The following PPP1CB variants were observed in gnomAD, a reference collection of about 807,000 sequenced individuals.
PPP1CB encodes the protein serine/threonine-protein phosphatase PP1-beta catalytic subunit.
Under a neutral mutation model 43.7 loss-of-function variants are expected in PPP1CB, and 2 were observed. The ratio of observed to expected loss-of-function variants is 0.05; its 90% CI spans 0.02 to 0.14. The LOEUF is 0.14. Among genes scored for constraint, PPP1CB ranks in the 10% least tolerant of loss-of-function variants. PPP1CB has a pLI of 1.00. For missense variants in PPP1CB, 84 were observed against 398.0 expected, an observed-to-expected ratio of 0.21 and a Z score of 6.71; for synonymous variants, 136 against 135.6, an observed-to-expected ratio of 1.00 and a Z score of -0.02.
chr2:28,781,337 C>T (rs1235756880), intron 3 of PPP1CB, among the ~76,000 whole-genome samples: 1 of 152,030 alleles, frequency 6.6e-6, no homozygotes, highest in Non-Finnish European at 1.5e-5. Context: ...AAAAAGTTAG[C>T]ATTTTGGGAG....
Position 28,758,271 on chromosome 2 carries a change from A to G in PPP1CB, c.52+6095A>G, listed in dbSNP as rs535464447. Among the ~76,000 whole-genome samples the G allele has an allele frequency of 2.6e-5, 4 of 152,274 alleles. No individual in the cohort carries two copies. The South Asian group carries it at 8.3e-4, about 32-fold the overall frequency. ...GCCAGTCTCAGAGTTCTGGGATTAC[A>G]GGCACCCAGCCCCATTTTCAAACAT... is the stretch of plus-strand genomic sequence containing the variant. On this transcript the variant is annotated intron_variant, in intron 1 of 7. Coordinates refer to ENST00000395366, the MANE Select transcript of PPP1CB (RefSeq NM_002709.3).
At chr2:28,771,799 T>C (rs1380113743) in intron 1 of PPP1CB, among the ~76,000 whole-genome samples, 1 of 152,124 alleles carries the variant, frequency 6.6e-6, no homozygotes, top group African/African-American at 2.4e-5. Context: ...GAAATATGTT[T>C]AGAGAAGGCA....
At chr2:28,775,427 A>G (rs1667016438) in intron 1 of PPP1CB, among the ~76,000 whole-genome samples, 2 of 152,034 alleles carry the variant, frequency 1.3e-5, no homozygotes, top group South Asian at 4.1e-4. Flanking sequence ...TATTTTGCAG[A>G]GACAGGGTCT....
chr2:28,796,573 C>T (rs2148062241), intron 7 of PPP1CB, among the ~76,000 whole-genome samples: 1 of 152,160 alleles, frequency 6.6e-6, no homozygotes, highest in East Asian at 1.9e-4. Flanking sequence ...TGGCTCTCAG[C>T]TTGGATGTTT....
chr2:28,785,065 CTTTTTTTTTTTTTTT>C (rs769650329), intron 5 of PPP1CB, among the ~76,000 whole-genome samples: 27 of 54,996 alleles, frequency 4.9e-4, no homozygotes, highest in African/African-American at 1.8e-3. Flanking sequence ...GTGTTAGGAG[CTTTTTTTTTTTTTTT>C]TTTTTTTTTT....
chr2:28,799,154 C>A, intron 7 of PPP1CB, 45 bp from the exon 8 acceptor site: 1 of 1,315,432 alleles, frequency 7.6e-7, no homozygotes, highest in Non-Finnish European at 1.1e-6. Context: ...TTCTTAACTT[C>A]TGTACATGAA....
chr2:28,753,138 C>G (rs1666372994), intron 1 of PPP1CB, among the ~76,000 whole-genome samples: 1 of 152,186 alleles, frequency 6.6e-6, no homozygotes, highest in Non-Finnish European at 1.5e-5. Context: ...TCCCTCTACC[C>G]TAAAGTTTTC....
At chr2:28,767,385 A>G (rs1488707349) in intron 1 of PPP1CB, among the ~76,000 whole-genome samples, 1 of 152,176 alleles carries the variant, frequency 6.6e-6, no homozygotes, top group African/African-American at 2.4e-5. Context: ...CAGCTACATA[A>G]TGACTACAAT....
chr2:28,759,430 G>C (rs1014274611), intron 1 of PPP1CB, among the ~76,000 whole-genome samples: 1 of 145,324 alleles, frequency 6.9e-6, no homozygotes. Context: ...TGAGGCAGGA[G>C]AATCACTTGA....
chr2:28,758,351 C>G (rs985336264), intron 1 of PPP1CB, among the ~76,000 whole-genome samples: 6 of 152,186 alleles, frequency 3.9e-5, no homozygotes, highest in African/African-American at 1.4e-4. Context: ...CTTAGAAATA[C>G]TGACTTAAAT....
At chr2:28,769,449 T>A (rs940775848) in intron 1 of PPP1CB, among the ~76,000 whole-genome samples, 2 of 152,350 alleles carry the variant, frequency 1.3e-5, no homozygotes, top group East Asian at 3.9e-4. Flanking sequence ...TTGGTCAGGC[T>A]GGTCTAGAAT....
chr2:28,778,422 G>A (rs765306854), intron 2 of PPP1CB: 9 of 473,202 alleles, frequency 1.9e-5, no homozygotes, highest in South Asian at 7.7e-5. Context: ...GCGTGATCTC[G>A]GGCTGCAGTC....
At chr2:28,785,120 G>T (rs886570861) in intron 5 of PPP1CB, among the ~76,000 whole-genome samples, 109 of 114,578 alleles carry the variant, frequency 9.5e-4, no homozygotes, top group Non-Finnish European at 2.9e-4. Flanking sequence ...CTGTCACCAG[G>T]CTGGGGGGCA....
At position 28,776,858 on chromosome 2, in the gene PPP1CB, A is replaced by G. The variant is rs775116467; in HGVS notation, c.60A>G (p.Gly20=). The G allele has an allele frequency of 1.2e-6, 2 of 1,610,452 alleles. No homozygotes were observed. Among genetic ancestry groups the G allele is most frequent in the Non-Finnish European group, 1.7e-6 (2 of 1,177,354 alleles). ...TTATTTATCGTTTGTCAGTACGAGG[A>G]TGTCGTCCAGGAAAGATTGTGCAGA... ...SLITRLLEVR[G]CRPGKIVQMT... The change falls in exon 2 of 8, where the codon GGA becomes GGG. Residue 20 remains glycine (G), a synonymous_variant. Transcript: ENST00000395366.
At chr2:28,754,968 A>G (rs903401410) in intron 1 of PPP1CB, among the ~76,000 whole-genome samples, 2 of 152,156 alleles carry the variant, frequency 1.3e-5, no homozygotes, top group East Asian at 3.9e-4. Context: ...CAGATCAGCT[A>G]TACACACTTC....
intron 1 of PPP1CB, among the ~76,000 whole-genome samples, chr2:28,764,980 A>G (rs1262891587): frequency 6.6e-6 from 1 of 152,110 alleles, no homozygotes; most frequent in African/African-American, 2.4e-5. Context: ...TTTTCTTGCC[A>G]TCTTTTCTGT....
intron 1 of PPP1CB, among the ~76,000 whole-genome samples, chr2:28,770,403 G>A (rs1353865167): frequency 1.3e-5 from 2 of 149,504 alleles, no homozygotes; most frequent in Non-Finnish European, 3.0e-5. Context: ...GGGGGGTGTG[G>A]GGGAGACGAT....
At chr2:28,792,532 C>A (rs566423269) in intron 6 of PPP1CB, among the ~76,000 whole-genome samples, 1 of 152,070 alleles carries the variant, frequency 6.6e-6, no homozygotes, top group South Asian at 2.1e-4. Context: ...CACACAAGCA[C>A]ATACACAGAG....
intron 7 of PPP1CB, among the ~76,000 whole-genome samples, chr2:28,796,267 A>G (rs886888714): frequency 2.0e-5 from 3 of 152,226 alleles, no homozygotes; most frequent in African/African-American, 7.2e-5. Flanking sequence ...TGCTTTGGCT[A>G]TTCGGGCTCT....
Sources: gnomAD v4.1 joint callset for allele counts (sites outside exome capture counted in the v4.1 genomes callset) on GRCh38, gnomAD v4.1.1 for gene constraint, MANE v1.5 for transcripts, NCBI Gene and HGNC (gene_info 2026-07-23, HGNC 2026-07-21) for gene names.